Variants in MAGI1 observed in about 807,000 individuals in gnomAD.
The protein encoded by MAGI1 is membrane associated guanylate kinase, WW and PDZ domain containing 1, also known as membrane-associated guanylate kinase, WW and PDZ domain-containing protein 1.
In MAGI1, 58 loss-of-function variants were observed where a neutral mutation model predicts 139.9. The observed-to-expected ratio is 0.41, with a 90% CI of 0.34 to 0.52. The LOEUF (loss-of-function observed/expected upper bound fraction) is 0.52, where lower values mean the gene tolerates loss of function less well. Among genes scored for constraint, MAGI1 ranks in the 20% least tolerant of loss-of-function variants. MAGI1 has a pLI of 0.12. For missense variants in MAGI1, 1,874 were observed against 1,901.6 expected (o/e 0.99, Z 0.27); for synonymous variants, 812 against 737.9 (o/e 1.10, Z -1.63).
chr3:65,687,913 C>T (rs572334234), intron 1 of MAGI1: 1 of 669,160 alleles, frequency 1.5e-6, no homozygotes, highest in East Asian at 3.5e-5. Flanking sequence ...GCCTTAGCAG[C>T]CATTCGGCAT....
chr3:65,936,638 C>T (rs1417387924), intron 1 of MAGI1, among the ~76,000 whole-genome samples: 1 of 151,624 alleles, frequency 6.6e-6, no homozygotes, highest in Non-Finnish European at 1.5e-5. Flanking sequence ...TATATTTCAT[C>T]AGGAAGGTGG....
intron 1 of MAGI1, among the ~76,000 whole-genome samples, chr3:65,746,919 A>G (rs1437046582): frequency 6.6e-6 from 1 of 152,210 alleles, no homozygotes; most frequent in South Asian, 2.1e-4. Flanking sequence ...GCAAATACAC[A>G]TATTTTAGTA....
chr3:65,440,952 G>A (rs186475665), intron 8 of MAGI1, among the ~76,000 whole-genome samples: 30 of 150,784 alleles, frequency 2.0e-4, no homozygotes, highest in Admixed American at 1.5e-3. Context: ...AAGCATATAC[G>A]TATAAATATA....
chr3:65,844,223 CT>C (rs2058906956), intron 1 of MAGI1: 2 of 490,492 alleles, frequency 4.1e-6, no homozygotes, highest in African/African-American at 3.9e-5. Context: ...TATAGATTCT[CT>C]GGTCATTGAG....
chr3:65,790,340 A>G (rs1246360085), intron 1 of MAGI1, among the ~76,000 whole-genome samples: 1 of 152,216 alleles, frequency 6.6e-6, no homozygotes, highest in East Asian at 1.9e-4. Flanking sequence ...TTGGGAAGGA[A>G]AGAACAAAAA....
At chr3:65,675,579 G>A (rs1383725684) in intron 1 of MAGI1, among the ~76,000 whole-genome samples, 1 of 151,938 alleles carries the variant, frequency 6.6e-6, no homozygotes, top group African/African-American at 2.4e-5. Flanking sequence ...ATTAAAAGCA[G>A]AACAAAAAAA....
chr3:65,772,387 G>C (rs1040734336), intron 1 of MAGI1, among the ~76,000 whole-genome samples: 1 of 152,140 alleles, frequency 6.6e-6, no homozygotes, highest in African/African-American at 2.4e-5. Context: ...GGGGGGACTT[G>C]AGTACAGCTG....
chr3:65,784,206 G>A (rs568134735), intron 1 of MAGI1, among the ~76,000 whole-genome samples: 2 of 152,228 alleles, frequency 1.3e-5, no homozygotes, highest in East Asian at 3.9e-4. Flanking sequence ...ATGCAAAATA[G>A]TACAGCCACT....
At chr3:65,825,222 C>A (rs1229177884) in intron 1 of MAGI1, among the ~76,000 whole-genome samples, 2 of 152,214 alleles carry the variant, frequency 1.3e-5, no homozygotes, top group East Asian at 1.9e-4. Flanking sequence ...AACATTTTGG[C>A]CCATGGCACA....
chr3:65,816,522 C>G (rs925143888), intron 1 of MAGI1, among the ~76,000 whole-genome samples: 9 of 151,662 alleles, frequency 5.9e-5, no homozygotes, highest in African/African-American at 2.2e-4. Context: ...AGATGTTGAC[C>G]GTAAACAAAG....
intron 1 of MAGI1, among the ~76,000 whole-genome samples, chr3:65,848,137 G>T (rs1409575015): frequency 6.6e-6 from 1 of 152,148 alleles, no homozygotes; most frequent in Non-Finnish European, 1.5e-5. Flanking sequence ...GAATTAAAAA[G>T]AAGAAGTCAG....
intron 14 of MAGI1, among the ~76,000 whole-genome samples, chr3:65,386,182 A>C (rs1349877409): frequency 6.6e-6 from 1 of 151,644 alleles, no homozygotes; most frequent in African/African-American, 2.4e-5. Context: ...TTTAGGTGTG[A>C]GCTAGCATGG....
At chr3:65,563,075 A>G (rs192350725) in intron 2 of MAGI1, among the ~76,000 whole-genome samples, 1 of 152,318 alleles carries the variant, frequency 6.6e-6, no homozygotes, top group Admixed American at 6.5e-5. Context: ...ACTTCCCTTT[A>G]TATTTTACAG....
At chr3:65,623,568 T>A (rs570217672) in intron 1 of MAGI1, among the ~76,000 whole-genome samples, 1 of 152,244 alleles carries the variant, frequency 6.6e-6, no homozygotes, top group African/African-American at 2.4e-5. Context: ...GGTAAGAGCA[T>A]TTTTAGCCTT....
chr3:65,572,216 T>C (rs1482090799), intron 2 of MAGI1, among the ~76,000 whole-genome samples: 2 of 152,128 alleles, frequency 1.3e-5, no homozygotes, highest in African/African-American at 2.4e-5. Context: ...TATCACCCTA[T>C]AGAAAGGAAC....
At chr3:65,423,382 G>GCACACACACA (rs374242651) in intron 12 of MAGI1, among the ~76,000 whole-genome samples, 8,058 of 141,178 alleles carry the variant, frequency 0.057, 285 homozygotes, top group South Asian at 0.14. Flanking sequence ...GTGCACACAC[G>GCACACACACA]CGCACACACA....
chr3:65,957,528 AAAAAAAG>A (rs796087775), intron 1 of MAGI1, among the ~76,000 whole-genome samples: 1,590 of 134,246 alleles, frequency 0.012, 30 homozygotes, highest in African/African-American at 0.044. Flanking sequence ...CTCAAAAAAA[AAAAAAAG>A]AAAAAGAAAA....
chr3:65,958,407 A>G (rs2064241343), intron 1 of MAGI1, among the ~76,000 whole-genome samples: 1 of 152,218 alleles, frequency 6.6e-6, no homozygotes, highest in African/African-American at 2.4e-5. Context: ...TCAAAAAGGT[A>G]TGCATGCAAT....
At chr3:65,686,948 G>C (rs1463547741) in intron 1 of MAGI1, among the ~76,000 whole-genome samples, 2 of 152,204 alleles carry the variant, frequency 1.3e-5, no homozygotes, top group Non-Finnish European at 2.9e-5. Context: ...CCCATTCGAT[G>C]AATCTGTAGC....
Sources: allele counts gnomAD v4.1 joint callset (sites outside exome capture counted in the v4.1 genomes callset), GRCh38; gene constraint gnomAD v4.1.1; transcripts MANE v1.5; gene names NCBI Gene and HGNC (gene_info 2026-07-23, HGNC 2026-07-21).